Variants in GPC5 observed in about 807,000 individuals in gnomAD.
GPC5 encodes the protein glypican-5.
A neutral mutation model predicts 53.9 loss-of-function variants in GPC5; 47 were observed. The observed-to-expected ratio is 0.87, with a 90% CI of 0.69 to 1.11. The LOEUF is 1.11. GPC5 is among the 50% of genes most tolerant of loss of function. GPC5 has a pLI of 0.00. For missense variants in GPC5, 748 were observed against 713.1 expected (o/e 1.05, Z -0.56); for synonymous variants, 286 against 263.3 (o/e 1.09, Z -0.84).
intron 7 of GPC5, among the ~76,000 whole-genome samples, chr13:92,348,441 A>C (rs1161702997): frequency 6.6e-6 from 1 of 152,160 alleles, no homozygotes; most frequent in African/African-American, 2.4e-5. Flanking sequence ...AACAAATATG[A>C]AATGATTTTG....
At position 92,265,796 on chromosome 13, in the gene GPC5, T is replaced by C. The variant is rs140689730; in HGVS notation, c.1561+120807T>C. The stretch of plus-strand genomic sequence containing the variant: ...TTTGTCTTAGTCCATTTTGTGCTGC[T>C]GTTAGAGAATACCTCAGACCCTGGA... On this transcript the variant is annotated intron_variant, in intron 7 of 7. Coordinates refer to ENST00000377067, the MANE Select transcript of GPC5 (RefSeq NM_004466.6). Among the ~76,000 whole-genome samples the C allele has an allele frequency of 6.6e-4, 100 of 152,306 alleles. 2 individuals are homozygous for C. In the East Asian group the frequency reaches 0.019, roughly 29 times the overall value.
At chr13:92,389,207 GA>G (rs1244491287) in intron 7 of GPC5, among the ~76,000 whole-genome samples, 1 of 152,210 alleles carries the variant, frequency 6.6e-6, no homozygotes, top group East Asian at 1.9e-4. Flanking sequence ...TATAGCGGAG[GA>G]AACAGATTCA....
At chr13:92,106,542 A>C (rs1193458869) in intron 6 of GPC5, among the ~76,000 whole-genome samples, 1 of 152,122 alleles carries the variant, frequency 6.6e-6, no homozygotes, top group Non-Finnish European at 1.5e-5. Flanking sequence ...AAATTGTCTT[A>C]GAGTTCAATA....
chr13:92,268,357 CT>C (rs1358626180), intron 7 of GPC5, among the ~76,000 whole-genome samples: 8 of 133,842 alleles, frequency 6.0e-5, no homozygotes, highest in Non-Finnish European at 7.9e-5. Flanking sequence ...TCTTTCTATA[CT>C]TTTTTTTTCT....
intron 2 of GPC5, among the ~76,000 whole-genome samples, chr13:91,490,393 T>G (rs749386842): frequency 6.6e-6 from 1 of 152,134 alleles, no homozygotes; most frequent in Non-Finnish European, 1.5e-5. Context: ...AGGTAATGAT[T>G]TTGGATCTTT....
Position 92,397,271 on chromosome 13 carries a change from TG to T in GPC5, c.1561+252290del, listed in dbSNP as rs138672507. Among the ~76,000 whole-genome samples, 526 of 151,896 alleles carry T rather than the reference TG, an allele frequency of 3.5e-3. 4 individuals carry two copies. The highest frequency in any genetic ancestry group is 9.9e-3 in the African/African-American group (412 of 41,446). On this transcript the variant is annotated intron_variant, in intron 7 of 7. Transcript: ENST00000377067. ...TGGGAGATAATTGAATCATGGGGGCTGGGGGGGGTTCCCCCATACTGTTCTT... is the reference window on the plus strand; with the variant it reads ...TGGGAGATAATTGAATCATGGGGGCTGGGGGGGTTCCCCCATACTGTTCTT...
chr13:91,624,407 G>A (rs577875898), intron 2 of GPC5, among the ~76,000 whole-genome samples: 2 of 152,162 alleles, frequency 1.3e-5, no homozygotes, highest in Non-Finnish European at 2.9e-5. Context: ...AAAACACATT[G>A]AAAGAACTAT....
At chr13:91,967,202 G>A (rs2040189392) in intron 6 of GPC5, among the ~76,000 whole-genome samples, 1 of 152,094 alleles carries the variant, frequency 6.6e-6, no homozygotes, top group African/African-American at 2.4e-5. Context: ...ATCAGATCTG[G>A]TGAGACTTAT....
intron 7 of GPC5, among the ~76,000 whole-genome samples, chr13:92,624,006 C>A (rs1441425430): frequency 6.7e-6 from 1 of 149,402 alleles, no homozygotes; most frequent in Admixed American, 6.8e-5. Context: ...AGGTGCCTAC[C>A]ACCATGCTCG....
chr13:92,400,884 T>C (rs1875525855), intron 7 of GPC5, among the ~76,000 whole-genome samples: 1 of 151,922 alleles, frequency 6.6e-6, no homozygotes, highest in Non-Finnish European at 1.5e-5. Flanking sequence ...TTGTATATGG[T>C]ACATTAATAA....
chr13:91,881,966 G>A (rs1157459419), intron 5 of GPC5, among the ~76,000 whole-genome samples: 1 of 152,152 alleles, frequency 6.6e-6, no homozygotes, highest in Admixed American at 6.5e-5. Flanking sequence ...AAGTCAGAGA[G>A]TTTCAAAGTA....
intron 7 of GPC5, among the ~76,000 whole-genome samples, chr13:92,532,057 G>A (rs1881583892): frequency 6.6e-6 from 1 of 152,056 alleles, no homozygotes; most frequent in African/African-American, 2.4e-5. Flanking sequence ...AAGGCAGGTG[G>A]CTCATCCCTT....
At position 91,414,143 on chromosome 13, in the gene GPC5, C is replaced by G. The variant is rs376843306; in HGVS notation, c.163+14934C>G. Reference sequence around the variant, plus strand: ...TCAAATCTCATTTTGAATTGTAGTTCCCATAATCCCCACGTGTTGTGGGAG... The same window carrying G: ...TCAAATCTCATTTTGAATTGTAGTTGCCATAATCCCCACGTGTTGTGGGAG... On this transcript the variant is annotated intron_variant, in intron 1 of 7. Transcript: ENST00000377067. 5.9e-5 allele frequency among the ~76,000 whole-genome samples: 9 copies of G among 152,282 alleles called. No homozygotes were observed. The East Asian group carries it at 9.6e-4, about 16-fold the overall frequency.
At chr13:91,658,173 A>G (rs566212284) in intron 2 of GPC5, among the ~76,000 whole-genome samples, 78 of 152,294 alleles carry the variant, frequency 5.1e-4, no homozygotes, top group African/African-American at 1.7e-3. Flanking sequence ...ATCTGAAAGC[A>G]AAACTTGATT....
chr13:92,450,544 TG>T (rs1015944309), intron 7 of GPC5, among the ~76,000 whole-genome samples: 2 of 152,136 alleles, frequency 1.3e-5, no homozygotes, highest in Non-Finnish European at 1.5e-5. Context: ...GTTTTTGGAT[TG>T]GGGATGTTCA....
intron 6 of GPC5, among the ~76,000 whole-genome samples, chr13:92,069,096 C>T (rs550711186): frequency 1.3e-5 from 2 of 151,956 alleles, no homozygotes; most frequent in South Asian, 2.1e-4. Context: ...GTACAGTTGT[C>T]CCAACACTAT....
At chr13:92,419,643 G>A (rs943123554) in intron 7 of GPC5, among the ~76,000 whole-genome samples, 3 of 152,080 alleles carry the variant, frequency 2.0e-5, no homozygotes, top group Non-Finnish European at 4.4e-5. Flanking sequence ...TAAAATATTT[G>A]ACAATTATTG....
chr13:91,786,548 A>C (rs1232823860), intron 5 of GPC5, among the ~76,000 whole-genome samples: 1 of 152,118 alleles, frequency 6.6e-6, no homozygotes, highest in Non-Finnish European at 1.5e-5. Context: ...TTAAAAAAAC[A>C]TTTCTCTGGG....
At chr13:92,371,590 A>G (rs537808971) in intron 7 of GPC5, among the ~76,000 whole-genome samples, 35 of 152,282 alleles carry the variant, frequency 2.3e-4, no homozygotes, top group Non-Finnish European at 4.0e-4. Context: ...GACTCAGGAA[A>G]CTTATGATCA....
Sources: gnomAD v4.1 joint callset for allele counts (sites outside exome capture counted in the v4.1 genomes callset) on GRCh38, gnomAD v4.1.1 for gene constraint, MANE v1.5 for transcripts, NCBI Gene and HGNC (gene_info 2026-07-23, HGNC 2026-07-21) for gene names.